The following NTAN1 variants were observed in gnomAD, a reference collection of about 807,000 sequenced individuals.
NTAN1 encodes protein N-terminal asparagine amidohydrolase.
NTAN1 carries 32 observed loss-of-function variants against 41.9 expected under a neutral mutation model. The observed-to-expected ratio is 0.76, with a 90% CI of 0.58 to 1.03. The LOEUF is 1.03. Among genes scored for constraint, NTAN1 ranks in the 50% least tolerant of loss-of-function variants. The pLI is 0.00. For synonymous variants in NTAN1, 140 were observed against 139.5 expected (o/e 1.00, Z -0.03); for missense variants, 377 against 377.5 (o/e 1.00, Z 0.01).
chr16:15,044,202 G>GT (rs796381111), intron 5 of NTAN1, 132 bp downstream of exon 5: 1 of 644,196 alleles, frequency 1.6e-6, no homozygotes, highest in African/African-American at 1.8e-5. Flanking sequence ...AAGCTGGGCA[G>GT]TCTGTTTCTC....
chr16:15,042,037 C>T (rs1567757464), intron 5 of NTAN1, among the ~76,000 whole-genome samples: 1 of 152,200 alleles, frequency 6.6e-6, no homozygotes, highest in Non-Finnish European at 1.5e-5. Context: ...AAACAAAAAT[C>T]TGGCCACTGT....
chr16:15,041,463 CAAGGGG>C (rs1314826124), intron 6 of NTAN1, among the ~76,000 whole-genome samples, 154 bp downstream of exon 6: 8 of 152,050 alleles, frequency 5.3e-5, no homozygotes, highest in East Asian at 1.9e-4. Context: ...TGGACGAGGG[CAAGGGG>C]AAGGGGAAGG....
Position 15,047,797 on chromosome 16 carries a change from A to G in NTAN1, c.250+58T>C, listed in dbSNP as rs935297871. On this transcript the variant is annotated intron_variant, in intron 3 of 9. Transcript: ENST00000287706. ...CAGGAAACTCAACACGAGAAATTCA[A>G]TGGTCCCAAAGGTTGGGTCAGTTTA... 23 of 1,387,776 alleles carry G rather than the reference A, an allele frequency of 1.7e-5. No individual in the cohort carries two copies. In the African/African-American group the frequency reaches 2.5e-4, roughly 15 times the overall value. 86.0% of individuals were successfully genotyped at this position (1,387,776 alleles called of 1,614,324 possible).
At chr16:15,047,800 G>A (rs2044136034) in intron 3 of NTAN1, 55 bp downstream of exon 3, 1 of 1,396,960 alleles carries the variant, frequency 7.2e-7, no homozygotes, top group African/African-American at 1.4e-5. Context: ...AAATTCAATG[G>A]TCCCAAAGGT....
At chr16:15,038,809 T>C (rs2043671012) in intron 8 of NTAN1, 122 bp from the exon 9 acceptor site, 3 of 598,636 alleles carry the variant, frequency 5.0e-6, no homozygotes, top group East Asian at 2.8e-5. Context: ...TCTTAAAACC[T>C]GTCTCAAATA....
At chr16:15,042,742 T>TTATTTATTTATC (rs1183422394) in intron 5 of NTAN1, among the ~76,000 whole-genome samples, 1 of 147,248 alleles carries the variant, frequency 6.8e-6, no homozygotes, top group Non-Finnish European at 1.5e-5. Flanking sequence ...ATTTATTTAT[T>TTATTTATTTATC]TATTTATTGA....
intron 8 of NTAN1, 142 bp downstream of exon 8, chr16:15,039,827 A>G (rs1035135384): frequency 3.1e-6 from 2 of 636,178 alleles, no homozygotes; most frequent in South Asian, 3.8e-5. Flanking sequence ...GGGGAGGGGT[A>G]TATGTATGTG....
At chr16:15,054,750 C>T (rs1037676854) in intron 1 of NTAN1, among the ~76,000 whole-genome samples, 3 of 152,108 alleles carry the variant, frequency 2.0e-5, no homozygotes, top group Admixed American at 6.6e-5. Flanking sequence ...TGCCAGGGAC[C>T]GTCCTACACT....
intron 1 of NTAN1, among the ~76,000 whole-genome samples, chr16:15,052,536 T>C (rs1484003268): frequency 6.6e-6 from 1 of 152,136 alleles, no homozygotes. Flanking sequence ...AGCACAATGC[T>C]ATATAAGAAA....
At position 15,047,387 on chromosome 16, in the gene NTAN1, T is replaced by C. The variant is rs1032525728; in HGVS notation, c.359+55A>G. On this transcript the variant is annotated intron_variant, in intron 4 of 9. Coordinates refer to ENST00000287706, the MANE Select transcript of NTAN1 (RefSeq NM_173474.4). The stretch of plus-strand genomic sequence containing the variant: ...CCTAACAGCTTCCACAGCCACGTCC[T>C]GTATGCGACGGTTCCAAGATCTCAA... 4 of 1,146,556 alleles carry C rather than the reference T, an allele frequency of 3.5e-6. No homozygotes were observed. The African/African-American group carries it at 6.1e-5, about 17-fold the overall frequency. The allele number at this position is 1,146,556 out of a possible 1,614,324, so 71.0% of individuals were successfully genotyped here. A position where few individuals can be genotyped will look rare whatever the true frequency, so the allele number is the denominator to read the frequency against.
Position 15,038,306 on chromosome 16 carries a change from T to C in NTAN1, c.754-96A>G, listed in dbSNP as rs2043630986. 8 of 882,168 alleles carry C rather than the reference T, an allele frequency of 9.1e-6. 1 individual carries two copies. The Admixed American group carries it at 1.7e-4, about 18-fold the overall frequency. 54.6% of individuals were successfully genotyped at this position (882,168 alleles called of 1,614,324 possible). Reference sequence around the variant, plus strand: ...GTATCTTTGTTCTTGGACACAAATATATATAATAAAATACGTTAAGAAATG... The same window carrying C: ...GTATCTTTGTTCTTGGACACAAATACATATAATAAAATACGTTAAGAAATG... On this transcript the variant is annotated intron_variant, in intron 9 of 9. Transcript: ENST00000287706.
chr16:15,051,721 G>C (rs1404979043), intron 1 of NTAN1, among the ~76,000 whole-genome samples: 1 of 126,390 alleles, frequency 7.9e-6, no homozygotes, highest in African/African-American at 3.0e-5. Context: ...TTTTTTTAGA[G>C]ACAAGGCCTC....
chr16:15,049,179 C>A (rs1328161879), intron 1 of NTAN1, among the ~76,000 whole-genome samples: 1 of 151,774 alleles, frequency 6.6e-6, no homozygotes, highest in Non-Finnish European at 1.5e-5. Context: ...CAGGCACACA[C>A]CGCCACACCT....
Position 15,056,035 on chromosome 16 carries a change from C to G in NTAN1, c.-64G>C. 1.3e-6 allele frequency: 1 copy of G among 748,762 alleles called. No homozygotes were observed. Among genetic ancestry groups the G allele is most frequent in the Non-Finnish European group, 1.7e-6 (1 of 585,708 alleles). The allele number at this position is 748,762 out of a possible 1,614,324, so 46.4% of individuals were successfully genotyped here. On this transcript the variant is annotated 5_prime_UTR_variant, in exon 1 of 10. Transcript: ENST00000287706. Reference sequence around the variant, plus strand: ...GGCCCCCCGCTTTGCAGCCCCGGGCCGCCCGCCGCCCCCGCCCCTCGGGCC... The same window carrying G: ...GGCCCCCCGCTTTGCAGCCCCGGGCGGCCCGCCGCCCCCGCCCCTCGGGCC...
In NTAN1 at chr16:15,039,952, G is replaced by T; in HGVS notation, c.639+17C>A. On this transcript the variant is annotated intron_variant, in intron 8 of 9. Transcript: ENST00000287706. The stretch of plus-strand genomic sequence containing the variant: ...TTTTTTTTTTTAACCCCTTAACAAA[G>T]ATGATTTGAAACTCACTGGTCCTCC... 5 of 1,423,874 alleles carry T rather than the reference G, an allele frequency of 3.5e-6. No homozygotes were observed. Among genetic ancestry groups the T allele is most frequent in the Non-Finnish European group, 4.9e-6 (5 of 1,020,528 alleles). The allele number at this position is 1,423,874 out of a possible 1,614,324, so 88.2% of individuals were successfully genotyped here. A position where few individuals can be genotyped will look rare whatever the true frequency, so the allele number is the denominator to read the frequency against.
intron 1 of NTAN1, among the ~76,000 whole-genome samples, chr16:15,053,461 T>C (rs2044372443): frequency 6.8e-6 from 1 of 148,006 alleles, no homozygotes; most frequent in Non-Finnish European, 1.5e-5. Context: ...AAACAACATA[T>C]AGTAAGCTAT....
intron 4 of NTAN1, 140 bp downstream of exon 4, chr16:15,047,302 G>A (rs933262555): frequency 1.2e-5 from 8 of 653,274 alleles, no homozygotes; most frequent in African/African-American, 7.1e-5. Context: ...TGCCCACGTC[G>A]TGCCAGGTTC....
At position 15,044,315 on chromosome 16, in the gene NTAN1, A is replaced by G; in HGVS notation, c.433+19T>C. On this transcript the variant is annotated intron_variant, in intron 5 of 9. Transcript: ENST00000287706. ...TATTTATGTCCAATTTGGGGGAAAGAAAAAAAAAATGAACTTACTAAGAAG... is the reference window on the plus strand; with the variant it reads ...TATTTATGTCCAATTTGGGGGAAAGGAAAAAAAAATGAACTTACTAAGAAG... The G allele has an allele frequency of 7.0e-7, 1 of 1,428,574 alleles. No homozygotes were observed. The highest frequency in any genetic ancestry group is 9.7e-7 in the Non-Finnish European group (1 of 1,028,370). The allele number at this position is 1,428,574 out of a possible 1,614,324, so 88.5% of individuals were successfully genotyped here.
chr16:15,044,215 T>A, intron 5 of NTAN1, 119 bp downstream of exon 5: 1 of 682,712 alleles, frequency 1.5e-6, no homozygotes. Flanking sequence ...TGTTTCTCTG[T>A]GCTGCTCCAA....
Sources: allele counts gnomAD v4.1 joint callset (sites outside exome capture counted in the v4.1 genomes callset), GRCh38; gene constraint gnomAD v4.1.1; transcripts MANE v1.5; gene names NCBI Gene and HGNC (gene_info 2026-07-23, HGNC 2026-07-21).